ABTB3: variants seen among roughly 807,000 people sequenced by gnomAD.
ABTB3 encodes the protein ankyrin repeat- and BTB/POZ domain-containing protein 3.
At chr12:107,573,169 T>G in the ABTB3 span, among the ~76,000 whole-genome samples, 1 of 152,340 alleles carries the variant, frequency 6.6e-6, no homozygotes, top group East Asian at 1.9e-4. Context: ...TGGTGTATTG[T>G]GCATAATCAG....
chr12:107,588,448 A>C, the ABTB3 span, among the ~76,000 whole-genome samples: 4 of 152,162 alleles, frequency 2.6e-5, no homozygotes, highest in South Asian at 2.1e-4. Context: ...GTAGCTAGGG[A>C]CGGTTTAAAC....
At chr12:107,389,846 T>TTGTGTG in the ABTB3 span, among the ~76,000 whole-genome samples, 31 of 141,472 alleles carry the variant, frequency 2.2e-4, no homozygotes, top group African/African-American at 6.4e-4. Flanking sequence ...GTGTGTGTGT[T>TTGTGTG]TGTGTGTGTG....
chr12:107,588,628 C>T, the ABTB3 span, among the ~76,000 whole-genome samples: 3 of 152,308 alleles, frequency 2.0e-5, no homozygotes, highest in African/African-American at 7.2e-5. Flanking sequence ...TCAAGTGATT[C>T]CCCTGCCACA....
the ABTB3 span, among the ~76,000 whole-genome samples, chr12:107,412,464 AT>A: frequency 6.6e-6 from 1 of 152,258 alleles, no homozygotes. Context: ...CCAAATGGCA[AT>A]GCTGTTCATG....
the ABTB3 span, among the ~76,000 whole-genome samples, chr12:107,343,195 T>A: frequency 6.6e-6 from 1 of 152,084 alleles, no homozygotes; most frequent in Middle Eastern, 3.4e-3. Flanking sequence ...TTTGGTTTTT[T>A]ATAGAAATAG....
At chr12:107,371,190 T>C in the ABTB3 span, among the ~76,000 whole-genome samples, 1 of 152,076 alleles carries the variant, frequency 6.6e-6, no homozygotes, top group Admixed American at 6.5e-5. Context: ...AGCAGGGAGA[T>C]CATTCTGGAA....
the ABTB3 span, among the ~76,000 whole-genome samples, chr12:107,489,295 C>T: frequency 2.0e-5 from 3 of 152,120 alleles, no homozygotes; most frequent in Admixed American, 1.3e-4. Flanking sequence ...CCAAGGCAGG[C>T]GGATCACTTG....
At chr12:107,410,224 G>A in the ABTB3 span, among the ~76,000 whole-genome samples, 22 of 112,154 alleles carry the variant, frequency 2.0e-4, no homozygotes, top group Non-Finnish European at 3.3e-4. Context: ...GATCAGAATT[G>A]TTAAAAAAAA....
At chr12:107,362,821 G>A in the ABTB3 span, among the ~76,000 whole-genome samples, 1 of 151,868 alleles carries the variant, frequency 6.6e-6, no homozygotes. Flanking sequence ...AATTTGTACT[G>A]AGCACTACGC....
the ABTB3 span, among the ~76,000 whole-genome samples, chr12:107,369,706 GGTTTTT>G: frequency 1.3e-5 from 1 of 74,782 alleles, no homozygotes; most frequent in African/African-American, 4.6e-5. Flanking sequence ...GCCCAAACAT[GGTTTTT>G]TTTTTTTTTT....
the ABTB3 span, among the ~76,000 whole-genome samples, chr12:107,348,297 GCA>G: frequency 1.5e-4 from 22 of 150,234 alleles, no homozygotes; most frequent in East Asian, 2.9e-3. Flanking sequence ...ACACACACAC[GCA>G]CACACACACA....
the ABTB3 span, among the ~76,000 whole-genome samples, chr12:107,598,309 C>A: frequency 1.3e-5 from 2 of 152,234 alleles, no homozygotes; most frequent in Non-Finnish European, 2.9e-5. Context: ...AAGATGCACA[C>A]AGTTGGCTTT....
chr12:107,361,496 T>C, the ABTB3 span, among the ~76,000 whole-genome samples: 3 of 152,220 alleles, frequency 2.0e-5, no homozygotes, highest in Non-Finnish European at 4.4e-5. Flanking sequence ...AGTAAATTAC[T>C]CTGCAACGTA....
chr12:107,394,972 T>A, the ABTB3 span, among the ~76,000 whole-genome samples: 1 of 152,206 alleles, frequency 6.6e-6, no homozygotes, highest in Admixed American at 6.5e-5. Flanking sequence ...TGTGTTTTTC[T>A]CCCTCTCTTC....
the ABTB3 span, among the ~76,000 whole-genome samples, chr12:107,616,656 C>T: frequency 5.3e-5 from 8 of 152,318 alleles, no homozygotes; most frequent in African/African-American, 7.2e-5. Flanking sequence ...TGTGGTTCTA[C>T]GAGGCTACCC....
the ABTB3 span, among the ~76,000 whole-genome samples, chr12:107,415,318 T>C: frequency 1.6e-4 from 25 of 152,200 alleles, no homozygotes; most frequent in Non-Finnish European, 3.2e-4. Flanking sequence ...CACTGTCTGA[T>C]GTTTTTCTTA....
the ABTB3 span, among the ~76,000 whole-genome samples, chr12:107,600,520 T>C: frequency 6.6e-6 from 1 of 152,180 alleles, no homozygotes; most frequent in Admixed American, 6.5e-5. Flanking sequence ...GATGGAGCCA[T>C]AGTGTAACCC....
chr12:107,635,871 CA>C, the ABTB3 span, among the ~76,000 whole-genome samples: 22 of 68,892 alleles, frequency 3.2e-4, no homozygotes, highest in African/African-American at 1.2e-3. Flanking sequence ...CCCACCCACC[CA>C]CACACACACA....
At chr12:107,444,048 C>T in the ABTB3 span, among the ~76,000 whole-genome samples, 51 of 152,296 alleles carry the variant, frequency 3.3e-4, no homozygotes, top group Non-Finnish European at 2.1e-4. Context: ...CGGAACCTCC[C>T]CCACCTTGCA....
Sources: allele counts gnomAD v4.1 joint callset (sites outside exome capture counted in the v4.1 genomes callset), GRCh38; gene constraint gnomAD v4.1.1; transcripts MANE v1.5; gene names NCBI Gene and HGNC (gene_info 2026-07-23, HGNC 2026-07-21).